The following MUC6 variants were observed in gnomAD, a reference collection of about 807,000 sequenced individuals.
MUC6 encodes the protein mucin 6, oligomeric mucus/gel-forming (gene/pseudogene).
In MUC6, 188 loss-of-function variants were observed where a neutral mutation model predicts 201.5. That is an observed-to-expected ratio of 0.93 (90% CI 0.83 to 1.05). The LOEUF is 1.05. Among genes scored for constraint, MUC6 ranks in the 50% least tolerant of loss-of-function variants. The probability of loss-of-function intolerance (pLI) is 0.00; values close to 1 mark genes in which losing one functional copy is unlikely to be tolerated. For synonymous variants in MUC6, 1,228 were observed against 1,389.4 expected (o/e 0.88, Z 2.58); for missense variants, 2,706 against 3,256.9 (o/e 0.83, Z 4.12).
In MUC6 at chr11:1,030,980, G is replaced by A. The variant is rs774458386; in HGVS notation, c.651C>T (p.Asp217=). Residue 217 remains aspartate, a synonymous_variant, in exon 6 of 33, where the codon GAC becomes GAT. Coordinates refer to ENST00000421673, the MANE Select transcript of MUC6 (RefSeq NM_005961.3). ...DDPGEICTFQ[D]IPSTHVRQAQ... The stretch of plus-strand genomic sequence containing the variant: ...CCTGCCGGACGTGGGTGCTGGGGAT[G>A]TCCTGGAAGGTGCAGATCTCGCCGG... 1.9e-6 allele frequency: 3 copies of A among 1,585,224 alleles called. No homozygotes were observed. The highest frequency in any genetic ancestry group is 1.3e-5 in the African/African-American group (1 of 74,380).
intron 21 of MUC6, 39 bp downstream of exon 21, chr11:1,025,961 T>C (rs1021624305): frequency 1.1e-5 from 17 of 1,592,564 alleles, no homozygotes; most frequent in African/African-American, 2.7e-5. Flanking sequence ...GCCGTGCCTC[T>C]GGGTCCCCGG....
At chr11:1,028,420 C>T (rs1362178166) in intron 13 of MUC6, 33 bp from the exon 14 acceptor site, 8 of 1,605,882 alleles carry the variant, frequency 5.0e-6, no homozygotes, top group South Asian at 1.1e-5. Context: ...CGACTTGAAC[C>T]CATCCCTCCT....
At position 1,018,780 on chromosome 11, in the gene MUC6, TTGG is replaced by T; in HGVS notation, c.4031-13_4031-11del. The T allele has an allele frequency of 5.2e-6, 8 of 1,548,570 alleles. No homozygotes were observed. The highest frequency in any genetic ancestry group is 6.9e-6 in the Non-Finnish European group (8 of 1,152,192). ...TGATTGGTCGATTTTGCTGTGGGAA[TTGG>T]TGAAGTTGTCATCGTTATTGTTTTT... On this transcript the variant is annotated splice_polypyrimidine_tract_variant and intron_variant, in intron 30 of 32. Coordinates refer to ENST00000421673, the MANE Select transcript of MUC6 (RefSeq NM_005961.3).
intron 31 of MUC6, among the ~76,000 whole-genome samples, chr11:1,015,420 A>G (rs1022872821): frequency 6.6e-6 from 1 of 152,138 alleles, no homozygotes; most frequent in Admixed American, 6.5e-5. Flanking sequence ...TGAGCAACCA[A>G]AGGGGCAGCC....
At chr11:1,025,107 G>C in intron 23 of MUC6, 24 bp from the exon 24 acceptor site, 1 of 1,612,386 alleles carries the variant, frequency 6.2e-7, no homozygotes, top group Admixed American at 1.7e-5. Context: ...CATCAGGCCG[G>C]GCCCAGGGGC....
chr11:1,025,774 C>T, intron 22 of MUC6, 31 bp downstream of exon 22: 2 of 1,583,720 alleles, frequency 1.3e-6, no homozygotes, highest in South Asian at 1.1e-5. Context: ...ACCGCCCGTC[C>T]TGCCCTGCCA....
chr11:1,029,349 C>T lies in MUC6; in HGVS notation c.1154G>A (p.Arg385His), dbSNP rs201771202. 1,797 of 1,600,206 alleles carry T rather than the reference C, an allele frequency of 1.1e-3. 2 individuals carry two copies. Among genetic ancestry groups the T allele is most frequent in the Non-Finnish European group, 1.4e-3 (1,655 of 1,174,110 alleles). ...ACQTCRCTLG[R>H]WVCTERPCPG... Reference sequence around the variant, plus strand: ...GCACGGCCGCTCCGTGCACACCCAGCGGCCCAGGGTGCACCGGCTGTGGGT... The same window carrying T: ...GCACGGCCGCTCCGTGCACACCCAGTGGCCCAGGGTGCACCGGCTGTGGGT... The change falls in exon 10 of 33, where the codon CGC becomes CAC. Residue 385 changes from arginine (R) to histidine (H), a missense_variant. Arg to His is a conservative substitution (Grantham distance 29). Around this residue, in one of 10 missense-constraint regions of MUC6, gnomAD observed 1,850 missense variants for 1,958.3 expected, o/e 0.94. Coordinates refer to ENST00000421673, the MANE Select transcript of MUC6 (RefSeq NM_005961.3).
At position 1,036,338 on chromosome 11, in the gene MUC6, G is replaced by A. The variant is rs373326070; in HGVS notation, c.52+266C>T. Among the ~76,000 whole-genome samples, 51 of 152,286 alleles carry A rather than the reference G, an allele frequency of 3.3e-4. 1 individual carries two copies. The East Asian group carries it at 9.3e-3, about 28-fold the overall frequency. Reference sequence around the variant, plus strand: ...CCACTCCAGCTGAGCGTCCTCCCCCGCTGGCTGCTGTGCCAGCTCACAGGA... The same window carrying A: ...CCACTCCAGCTGAGCGTCCTCCCCCACTGGCTGCTGTGCCAGCTCACAGGA... On this transcript the variant is annotated intron_variant, in intron 1 of 32. Coordinates refer to ENST00000421673, the MANE Select transcript of MUC6 (RefSeq NM_005961.3).
In MUC6 at chr11:1,026,075, G is replaced by A. The variant is rs765785155; in HGVS notation, c.2613C>T (p.Tyr871=). The part of the protein sequence containing the change: ...GTHCPSTCTL[Y]GEGHVITFDG... Reference sequence around the variant, plus strand: ...CGAAGGTGATGACGTGGCCCTCCCCGTAGAGGGTGCAGGTGGATGGGCAGT... The same window carrying A: ...CGAAGGTGATGACGTGGCCCTCCCCATAGAGGGTGCAGGTGGATGGGCAGT... The change falls in exon 21 of 33, where the codon TAC becomes TAT. Residue 871 remains tyrosine (Y), a synonymous_variant. Coordinates refer to ENST00000421673, the MANE Select transcript of MUC6 (RefSeq NM_005961.3). 2.3e-5 allele frequency: 37 copies of A among 1,597,808 alleles called. No homozygotes were observed. The highest frequency in any genetic ancestry group is 5.2e-5 in the Admixed American group (3 of 57,938).
At position 1,018,713 on chromosome 11, in the gene MUC6, C is replaced by T. The variant is rs199839694; in HGVS notation, c.4088G>A (p.Arg1363His). 1.2e-5 allele frequency: 19 copies of T among 1,595,766 alleles called. No homozygotes were observed. The highest frequency in any genetic ancestry group is 9.6e-5 in the African/African-American group (7 of 73,276). ...GCCTGTGGTGCTTGCTGGGGTTGGA[C>T]GTGGGCCTGTCGTCTGGGTGGCCGT... ...GTTATQTTGP[R>H]PTPASTTGPT... Residue 1363 changes from arginine to histidine, a missense_variant, in exon 31 of 33, where the codon CGT becomes CAT. Coordinates refer to ENST00000421673, the MANE Select transcript of MUC6 (RefSeq NM_005961.3).
rs144347617 is a variant in MUC6, at chr11:1,032,338, G to A, written c.116-285C>T. Among the ~76,000 whole-genome samples the A allele has an allele frequency of 1.6e-3, 240 of 152,186 alleles. 1 individual carries two copies. The highest frequency in any genetic ancestry group is 3.9e-3 in the African/African-American group (161 of 41,500). On this transcript the variant is annotated intron_variant, in intron 2 of 32. Transcript: ENST00000421673. ...GTGCGTGTCTCGGGTGTGTGCATAC[G>A]TGTCAGGTGTGTCCATGTGTGCATT...
At chr11:1,021,776 C>T (rs867321328) in intron 26 of MUC6, among the ~76,000 whole-genome samples, 1 of 152,210 alleles carries the variant, frequency 6.6e-6, no homozygotes, top group East Asian at 1.9e-4. Context: ...TCACCTCCCC[C>T]TGGACCTCAG....
Position 1,018,308 on chromosome 11 carries a change from G to A in MUC6, c.4493C>T (p.Thr1498Ile), listed in dbSNP as rs61745490. Residue 1498 changes from threonine to isoleucine, a missense_variant, in exon 31 of 33, where the codon ACA becomes ATA. Physicochemically the swap from Thr to Ile is moderately conservative, Grantham distance 89 (BLOSUM62 -1). Around this residue, in one of 10 missense-constraint regions of MUC6, gnomAD observed 128 missense variants for 206.5 expected, o/e 0.62. Coordinates refer to ENST00000421673, the MANE Select transcript of MUC6 (RefSeq NM_005961.3). ...GGTGGTCGGCGTTATTGGTGGGGCTGTGTGGGTGGACCCTGTGGCCTTGAG... is the reference window on the plus strand; with the variant it reads ...GGTGGTCGGCGTTATTGGTGGGGCTATGTGGGTGGACCCTGTGGCCTTGAG... ...TTLKATGSTH[T>I]APPITPTTSG... 2.0e-3 allele frequency: 3,284 copies of A among 1,613,720 alleles called. 2 individuals carry two copies. In the African/African-American group the frequency reaches 0.039, roughly 19 times the overall value.
chr11:1,023,685 TCCTGGC>T (rs199744653), intron 25 of MUC6, 33 bp from the exon 26 acceptor site: 7 of 1,608,828 alleles, frequency 4.4e-6, no homozygotes, highest in African/African-American at 1.3e-5. Flanking sequence ...CTGGTGGGGT[TCCTGGC>T]CCTGGCCCTG....
intron 8 of MUC6, 116 bp from the exon 9 acceptor site, chr11:1,029,731 C>T: frequency 1.4e-6 from 2 of 1,387,638 alleles, no homozygotes; most frequent in Non-Finnish European, 1.9e-6. Flanking sequence ...CCCCCTCCAG[C>T]CTGGCTCCAG....
intron 22 of MUC6, 46 bp from the exon 23 acceptor site, chr11:1,025,413 C>T: frequency 6.3e-7 from 1 of 1,581,238 alleles, no homozygotes; most frequent in Non-Finnish European, 8.6e-7. Context: ...TCTCCCCCGG[C>T]CCCTGGCACA....
chr11:1,029,399 G>A (rs1329567326), intron 9 of MUC6, 33 bp from the exon 10 acceptor site: 1 of 1,593,986 alleles, frequency 6.3e-7, no homozygotes, highest in Non-Finnish European at 8.5e-7. Context: ...CGGCATGGTG[G>A]GCAGGGCCGC....
At chr11:1,024,759 C>A in intron 24 of MUC6, 85 bp downstream of exon 24, 1 of 1,508,384 alleles carries the variant, frequency 6.6e-7, no homozygotes, top group South Asian at 1.3e-5. Context: ...GAGGGAGAAC[C>A]GTGCCTGGCT....
In MUC6 at chr11:1,029,506, G is replaced by A. The variant is rs375160357; in HGVS notation, c.1125C>T (p.Ala375=). 14 of 1,612,254 alleles carry A rather than the reference G, an allele frequency of 8.7e-6. No homozygotes were observed. Among genetic ancestry groups the A allele is most frequent in the Non-Finnish European group, 1.2e-5 (14 of 1,179,752 alleles). The change falls in exon 9 of 33, where the codon GCC becomes GCT. Residue 375 remains alanine, a synonymous_variant. Transcript: ENST00000421673. ...MYAPGEVTIA[A]CQTCRCTLGR... is the part of the protein sequence containing the mutation. ...GGCGCCTCACTCACCAGGTTTGGCAGGCAGCTATTGTGACCTCCCCGGGGG... is the reference window on the plus strand; with the variant it reads ...GGCGCCTCACTCACCAGGTTTGGCAAGCAGCTATTGTGACCTCCCCGGGGG...
Sources: allele counts gnomAD v4.1 joint callset (sites outside exome capture counted in the v4.1 genomes callset), GRCh38; gene constraint gnomAD v4.1.1; regional missense constraint gnomAD v4.1.1; transcripts MANE v1.5; gene names NCBI Gene and HGNC (gene_info 2026-07-23, HGNC 2026-07-21).